FAM227A: variants seen among roughly 807,000 people sequenced by gnomAD.
The protein encoded by FAM227A is protein FAM227A.
In FAM227A, 80 loss-of-function variants were observed where a neutral mutation model predicts 74.7. The ratio of observed to expected loss-of-function variants is 1.07; its 90% CI spans 0.89 to 1.29. FAM227A has a LOEUF of 1.29. Among genes scored for constraint, FAM227A ranks in the 50% most tolerant of loss-of-function variants. FAM227A has a pLI of 0.00. For synonymous variants in FAM227A, 237 were observed against 241.8 expected, an observed-to-expected ratio of 0.98 and a Z score of 0.19; for missense variants, 654 against 683.4, an observed-to-expected ratio of 0.96 and a Z score of 0.48.
chr22:38,641,077 A>G (rs1438160751), intron 3 of FAM227A, among the ~76,000 whole-genome samples: 1 of 152,150 alleles, frequency 6.6e-6, no homozygotes, highest in Non-Finnish European at 1.5e-5. Flanking sequence ...TCATTATAGC[A>G]GACACTGTAT....
intron 11 of FAM227A, among the ~76,000 whole-genome samples, chr22:38,608,155 CAAAAAAAAAAA>C (rs35387385): frequency 1.2e-3 from 95 of 76,878 alleles, no homozygotes; most frequent in African/African-American, 4.4e-3. Flanking sequence ...CTTTTCTCTA[CAAAAAAAAAAA>C]AAAAAAAAAA....
At chr22:38,638,998 G>A (rs1395302035) in intron 4 of FAM227A, among the ~76,000 whole-genome samples, 176 bp from the exon 5 acceptor site, 2 of 152,164 alleles carry the variant, frequency 1.3e-5, no homozygotes, top group African/African-American at 4.8e-5. Flanking sequence ...TTGATCCAGA[G>A]AAGCAGCAAG....
chr22:38,600,838 GCTA>G (rs2091159082), intron 13 of FAM227A, among the ~76,000 whole-genome samples: 1 of 151,782 alleles, frequency 6.6e-6, no homozygotes, highest in Non-Finnish European at 1.5e-5. Flanking sequence ...TGTAGTCCCA[GCTA>G]CTCAGGAGGC....
At chr22:38,594,364 A>G (rs1181410137) in intron 15 of FAM227A, among the ~76,000 whole-genome samples, 1 of 152,168 alleles carries the variant, frequency 6.6e-6, no homozygotes, top group Admixed American at 6.5e-5. Flanking sequence ...GCCCTCCAAG[A>G]TTGTCCTCAA....
chr22:38,638,170 GAAAAAA>G (rs910302688), intron 5 of FAM227A, among the ~76,000 whole-genome samples: 4 of 151,858 alleles, frequency 2.6e-5, no homozygotes, highest in African/African-American at 9.7e-5. Flanking sequence ...ATCTCAAAAA[GAAAAAA>G]AGAAATAAAG....
rs536513610 is a variant in FAM227A at position 38,602,028 on chromosome 22, T to C, written c.1222-2107A>G. Reference sequence around the variant, plus strand: ...GCTTTTGTGTTTAAAAAAAAATACATTTTATTTTGAAGAAGCAGTTATACC... The same window carrying C: ...GCTTTTGTGTTTAAAAAAAAATACACTTTATTTTGAAGAAGCAGTTATACC... On this transcript the variant is annotated intron_variant, in intron 13 of 16. Coordinates refer to ENST00000535113, the MANE Select transcript of FAM227A (RefSeq NM_001013647.2). Among the ~76,000 whole-genome samples the C allele has an allele frequency of 7.2e-5, 11 of 152,354 alleles. No individual in the cohort carries two copies. The South Asian group carries it at 2.3e-3, about 32-fold the overall frequency.
At chr22:38,602,857 A>C (rs2091205367) in intron 13 of FAM227A, among the ~76,000 whole-genome samples, 1 of 151,790 alleles carries the variant, frequency 6.6e-6, no homozygotes, top group Non-Finnish European at 1.5e-5. Context: ...TTTGGGCTTG[A>C]AGTTTTGCTT....
rs146721329 is a variant in FAM227A, at chr22:38,595,710, C to T, written c.1532+1494G>A. ...TTAACCAAGTGTTTAAACTTAGCATCACCAGTAGCAGAGCAACCTGACATG... is the reference window on the plus strand; with the variant it reads ...TTAACCAAGTGTTTAAACTTAGCATTACCAGTAGCAGAGCAACCTGACATG... On this transcript the variant is annotated intron_variant, in intron 15 of 16. Coordinates refer to ENST00000535113, the MANE Select transcript of FAM227A (RefSeq NM_001013647.2). Among the ~76,000 whole-genome samples the T allele has an allele frequency of 2.8e-3, 429 of 152,276 alleles. 3 individuals carry two copies. The highest frequency in any genetic ancestry group is 0.01 in the African/African-American group (416 of 41,540).
intron 5 of FAM227A, among the ~76,000 whole-genome samples, chr22:38,637,764 G>A (rs549353377): frequency 6.6e-6 from 1 of 152,376 alleles, no homozygotes; most frequent in South Asian, 2.1e-4. Context: ...GCCTTGTGCT[G>A]TTTTGGAATT....
chr22:38,601,644 C>G (rs1475084135), intron 13 of FAM227A, among the ~76,000 whole-genome samples: 1 of 152,128 alleles, frequency 6.6e-6, no homozygotes, highest in Non-Finnish European at 1.5e-5. Flanking sequence ...CAGGAGGCCC[C>G]TGCAGGAGTT....
At chr22:38,616,103 C>G (rs184140070) in intron 11 of FAM227A, among the ~76,000 whole-genome samples, 5 of 152,246 alleles carry the variant, frequency 3.3e-5, no homozygotes, top group Admixed American at 6.5e-5. Context: ...AAAGAGTAGA[C>G]TGACAGGACA....
At chr22:38,623,353 G>C in intron 9 of FAM227A, 74 bp from the exon 10 acceptor site, 1 of 977,428 alleles carries the variant, frequency 1.0e-6, no homozygotes, top group Non-Finnish European at 1.6e-6. Flanking sequence ...ACTTTGAGAA[G>C]CCAAGGTGGG....
At chr22:38,591,286 T>G in intron 16 of FAM227A, 149 bp downstream of exon 16, 1 of 1,370,144 alleles carries the variant, frequency 7.3e-7, no homozygotes, top group Non-Finnish European at 9.4e-7. Flanking sequence ...ATGGCACCAC[T>G]GCACTCAGCC....
Position 38,583,025 on chromosome 22 carries a change from A to T in FAM227A, c.*3100T>A. The T allele has an allele frequency of 3.3e-6, 5 of 1,493,586 alleles. No individual in the cohort carries two copies. Among genetic ancestry groups the T allele is most frequent in the Non-Finnish European group, 4.5e-6 (5 of 1,098,900 alleles). 92.5% of individuals were successfully genotyped at this position (1,493,586 alleles called of 1,614,324 possible). A position where few individuals can be genotyped will look rare whatever the true frequency, so the allele number is the denominator to read the frequency against. ...ACAGACAAAAGATCCAGAAATAGGA[A>T]AGTGTGGTTCCTAGAGAAACTGCAA... On this transcript the variant is annotated 3_prime_UTR_variant, in exon 17 of 17. Coordinates refer to ENST00000535113, the MANE Select transcript of FAM227A (RefSeq NM_001013647.2).
At chr22:38,606,596 T>C (rs1039196121) in intron 12 of FAM227A, among the ~76,000 whole-genome samples, 5 of 152,144 alleles carry the variant, frequency 3.3e-5, no homozygotes, top group South Asian at 2.1e-4. Flanking sequence ...TGGCCCTGCA[T>C]GGTGTGCTGA....
At chr22:38,642,358 C>T (rs976934580) in intron 3 of FAM227A, among the ~76,000 whole-genome samples, 2 of 152,080 alleles carry the variant, frequency 1.3e-5, no homozygotes, top group Non-Finnish European at 2.9e-5. Context: ...GTAAAAACTC[C>T]AGCCATCACA....
rs1456593062 is a variant in FAM227A at position 38,584,293 on chromosome 22, C to T, written c.*1832G>A. 6.6e-6 allele frequency: 1 copy of T among 152,104 alleles called. No individual in the cohort carries two copies. The highest frequency in any genetic ancestry group is 1.5e-5 in the Non-Finnish European group (1 of 68,036). 9.4% of individuals were successfully genotyped at this position (152,104 alleles called of 1,614,324 possible). ...AATAGACATCTAGCAAATACCTAATCATCCCCCCCAAGTCCGTTTCTTCCT... is the reference window on the plus strand; with the variant it reads ...AATAGACATCTAGCAAATACCTAATTATCCCCCCCAAGTCCGTTTCTTCCT... On this transcript the variant is annotated 3_prime_UTR_variant, in exon 17 of 17. Coordinates refer to ENST00000535113, the MANE Select transcript of FAM227A (RefSeq NM_001013647.2).
chr22:38,593,243 G>A (rs868808128), intron 15 of FAM227A, among the ~76,000 whole-genome samples: 4 of 152,342 alleles, frequency 2.6e-5, no homozygotes, highest in Admixed American at 6.5e-5. Flanking sequence ...AGTGGCTCAC[G>A]CCTATAATCC....
chr22:38,619,531 C>T (rs1359024541), intron 11 of FAM227A, among the ~76,000 whole-genome samples: 4 of 152,100 alleles, frequency 2.6e-5, no homozygotes, highest in Non-Finnish European at 5.9e-5. Context: ...ACCATGTGGA[C>T]CAGACTGGTC....
Sources: allele counts gnomAD v4.1 joint callset (sites outside exome capture counted in the v4.1 genomes callset), GRCh38; gene constraint gnomAD v4.1.1; transcripts MANE v1.5; gene names NCBI Gene and HGNC (gene_info 2026-07-23, HGNC 2026-07-21).